DENND2C: variants seen among roughly 807,000 people sequenced by gnomAD.
DENND2C encodes DENN domain-containing protein 2C.
In DENND2C, 72 loss-of-function variants were observed where a neutral mutation model predicts 112.4. The observed-to-expected ratio is 0.64, with a 90% CI of 0.53 to 0.78. The LOEUF (loss-of-function observed/expected upper bound fraction) is 0.78, where lower values mean the gene tolerates loss of function less well. Among genes scored for constraint, DENND2C ranks in the 30% least tolerant of loss-of-function variants. DENND2C has a pLI of 0.00. For synonymous variants in DENND2C, 329 were observed against 381.6 expected (o/e 0.86, Z 1.61); for missense variants, 992 against 1,113.8 (o/e 0.89, Z 1.56).
At position 114,608,883 on chromosome 1, in the gene DENND2C, AATC is replaced by A. The variant is rs1317787205; in HGVS notation, c.1370-13_1370-11del. ...AAGCGTTTATGGCGATCTGTAATGA[AATC>A]ATGGAGAAATGTTTTTTTCTCTGTA... On this transcript the variant is annotated splice_polypyrimidine_tract_variant and intron_variant, in intron 9 of 20. Transcript: ENST00000393274. 6.2e-7 allele frequency: 1 copy of A among 1,613,856 alleles called. No homozygotes were observed. Among genetic ancestry groups the A allele is most frequent in the Non-Finnish European group, 8.5e-7 (1 of 1,179,980 alleles).
At chr1:114,602,218 T>G in intron 11 of DENND2C, 24 bp from the exon 12 acceptor site, 1 of 1,611,044 alleles carries the variant, frequency 6.2e-7, no homozygotes, top group Non-Finnish European at 8.5e-7. Context: ...CAATAGTTAG[T>G]TTAGGATCCA....
chr1:114,593,653 T>TTA (rs1655258663), intron 18 of DENND2C, among the ~76,000 whole-genome samples: 1 of 151,916 alleles, frequency 6.6e-6, no homozygotes, highest in Non-Finnish European at 1.5e-5. Flanking sequence ...GGTGTGGTGG[T>TTA]GCATGCCTGT....
chr1:114,585,596 GATTTC>G lies in DENND2C; in HGVS notation c.2786_*3del, dbSNP rs1405344293. The G allele has an allele frequency of 6.2e-7, 1 of 1,613,708 alleles. No homozygotes were observed. The highest frequency in any genetic ancestry group is 1.3e-5 in the African/African-American group (1 of 74,932). ...TATATTCAGGATGGAGACAATCAGA[GATTTC>G]ATTTCTTTTGCAGAAATTTCATTTT... On this transcript the variant is annotated stop_lost and 3_prime_UTR_variant, in exon 21 of 21. Coordinates refer to ENST00000393274, the MANE Select transcript of DENND2C (RefSeq NM_001256404.2).
intron 1 of DENND2C, among the ~76,000 whole-genome samples, chr1:114,659,309 TG>T (rs1370227363): frequency 6.6e-6 from 1 of 152,008 alleles, no homozygotes; most frequent in Non-Finnish European, 1.5e-5. Context: ...GAGACCAGCC[TG>T]GTCAACACGG....
chr1:114,651,671 G>A (rs554581866), intron 2 of DENND2C, among the ~76,000 whole-genome samples: 1 of 152,042 alleles, frequency 6.6e-6, no homozygotes, highest in East Asian at 1.9e-4. Flanking sequence ...GTTGGGAGGC[G>A]GATCCTGCAG....
At chr1:114,663,891 G>T (rs1275256525) in intron 1 of DENND2C, among the ~76,000 whole-genome samples, 1 of 151,742 alleles carries the variant, frequency 6.6e-6, no homozygotes, top group East Asian at 1.9e-4. Flanking sequence ...ATTAATATTT[G>T]CTATCTAGCC....
At chr1:114,595,152 T>C (rs920337191) in intron 17 of DENND2C, among the ~76,000 whole-genome samples, 1 of 152,222 alleles carries the variant, frequency 6.6e-6, no homozygotes, top group Non-Finnish European at 1.5e-5. Context: ...AACTGTGTCT[T>C]ACTCATTTTT....
intron 3 of DENND2C, among the ~76,000 whole-genome samples, chr1:114,641,159 G>A (rs1656825592): frequency 6.6e-6 from 1 of 151,420 alleles, no homozygotes; most frequent in Admixed American, 6.6e-5. Context: ...GGCCGGGCAT[G>A]GTAGCTCATG....
chr1:114,643,873 T>G (rs1326024499), intron 3 of DENND2C, among the ~76,000 whole-genome samples: 1 of 152,234 alleles, frequency 6.6e-6, no homozygotes, highest in African/African-American at 2.4e-5. Flanking sequence ...TTCAGAATTT[T>G]GAGGCATAAG....
chr1:114,586,222 T>C (rs1465761285), intron 20 of DENND2C, among the ~76,000 whole-genome samples: 2 of 152,214 alleles, frequency 1.3e-5, no homozygotes, highest in Non-Finnish European at 2.9e-5. Context: ...CTGTATGAAG[T>C]AGAAAATTAG....
In DENND2C at chr1:114,599,331, G is replaced by A; in HGVS notation, c.2226C>T (p.Phe742=). Residue 742 remains phenylalanine, a synonymous_variant, in exon 16 of 21, where the codon TTC becomes TTT. Coordinates refer to ENST00000393274, the MANE Select transcript of DENND2C (RefSeq NM_001256404.2). Reference sequence around the variant, plus strand: ...AGGAGCAAGACAGGATTCCAATAAGGAATGGTGTAGGTGAGCACACGATGT... The same window carrying A: ...AGGAGCAAGACAGGATTCCAATAAGAAATGGTGTAGGTGAGCACACGATGT... ...MIDIVCSPTP[F]LIGILSCSLP... 1 of 1,614,012 alleles carries A rather than the reference G, an allele frequency of 6.2e-7. No homozygotes were observed. Among genetic ancestry groups the A allele is most frequent in the South Asian group, 1.1e-5 (1 of 91,072 alleles).
At chr1:114,653,899 AT>A (rs1354574092) in intron 2 of DENND2C, among the ~76,000 whole-genome samples, 2 of 152,214 alleles carry the variant, frequency 1.3e-5, no homozygotes, top group African/African-American at 4.8e-5. Flanking sequence ...CCAATAGGTG[AT>A]GATTAAATGT....
Position 114,585,480 on chromosome 1 carries a change from C to T in DENND2C, c.*120G>A. 5 of 1,071,928 alleles carry T rather than the reference C, an allele frequency of 4.7e-6. No individual in the cohort carries two copies. In the South Asian group the frequency reaches 7.3e-5, roughly 16 times the overall value. 66.4% of individuals were successfully genotyped at this position (1,071,928 alleles called of 1,614,324 possible). A position where few individuals can be genotyped will look rare whatever the true frequency, so the allele number is the denominator to read the frequency against. ...AATCCTCCTCTAACAGCCTGACTCG[C>T]TCTTTAACCTTTTAAAATTTCAAGA... On this transcript the variant is annotated 3_prime_UTR_variant, in exon 21 of 21. Coordinates refer to ENST00000393274, the MANE Select transcript of DENND2C (RefSeq NM_001256404.2).
intron 1 of DENND2C, among the ~76,000 whole-genome samples, chr1:114,656,863 T>C (rs370842404): frequency 2.0e-5 from 3 of 152,186 alleles, no homozygotes; most frequent in African/African-American, 7.2e-5. Context: ...GCAATTCTCC[T>C]GCCTCAGCCT....
chr1:114,650,668 C>T (rs1166223172), intron 2 of DENND2C, among the ~76,000 whole-genome samples: 6 of 92,092 alleles, frequency 6.5e-5, no homozygotes, highest in East Asian at 6.4e-4. Context: ...AGCGAGACTC[C>T]GTCTCAAAAA....
intron 3 of DENND2C, among the ~76,000 whole-genome samples, chr1:114,638,065 C>A (rs778569617): frequency 1.3e-5 from 2 of 152,090 alleles, no homozygotes; most frequent in Non-Finnish European, 2.9e-5. Flanking sequence ...ACTAAGTAAT[C>A]ACAACAATGT....
At chr1:114,618,238 T>C (rs1308024111) in intron 8 of DENND2C, 148 bp downstream of exon 8, 6 of 361,740 alleles carry the variant, frequency 1.7e-5, no homozygotes, top group Non-Finnish European at 3.0e-5. Flanking sequence ...TCCACCCGCC[T>C]TGGCCTCCCA....
At chr1:114,626,287 C>T in intron 3 of DENND2C, 99 bp from the exon 4 acceptor site, 2 of 250,316 alleles carry the variant, frequency 8.0e-6, no homozygotes, top group East Asian at 8.2e-5. Flanking sequence ...AATTCATATA[C>T]ATTGCATATG....
intron 10 of DENND2C, among the ~76,000 whole-genome samples, chr1:114,605,920 C>G (rs1248133720): frequency 2.0e-5 from 3 of 152,120 alleles, no homozygotes; most frequent in African/African-American, 7.2e-5. Context: ...ATAGAAGATC[C>G]TTTTGCATAA....
Sources: gnomAD v4.1 joint callset for allele counts (sites outside exome capture counted in the v4.1 genomes callset) on GRCh38, gnomAD v4.1.1 for gene constraint, MANE v1.5 for transcripts, NCBI Gene and HGNC (gene_info 2026-07-23, HGNC 2026-07-21) for gene names.